TNIK: variants seen among roughly 807,000 people sequenced by gnomAD.
The protein encoded by TNIK is TRAF2 and NCK interacting kinase.
TNIK carries 49 observed loss-of-function variants against 191.3 expected under a neutral mutation model. The ratio of observed to expected loss-of-function variants is 0.26; its 90% CI spans 0.20 to 0.32. The LOEUF (loss-of-function observed/expected upper bound fraction) is 0.32. TNIK is among the 10% of genes least tolerant of loss of function. The pLI is 1.00. For synonymous variants in TNIK, 594 were observed against 600.9 expected (o/e 0.99, Z 0.17); for missense variants, 1,155 against 1,702.3 (o/e 0.68, Z 5.66).
At position 171,439,275 on chromosome 3, in the gene TNIK, C is replaced by T. The variant is rs373805732; in HGVS notation, c.57+20732G>A. On this transcript the variant is annotated intron_variant, in intron 1 of 32. Coordinates refer to ENST00000436636, the MANE Select transcript of TNIK (RefSeq NM_015028.4). ...AGGAGAATGGCATGAACCCGGGAGGCGGAGCTTGCAGTGAGCTGAGATGGT... is the reference window on the plus strand; with the variant it reads ...AGGAGAATGGCATGAACCCGGGAGGTGGAGCTTGCAGTGAGCTGAGATGGT... Among the ~76,000 whole-genome samples the T allele has an allele frequency of 2.1e-4, 31 of 150,576 alleles. 1 individual carries two copies. Among genetic ancestry groups the T allele is most frequent in the South Asian group, 8.4e-4 (4 of 4,764 alleles).
chr3:171,216,432 A>T lies in TNIK; in HGVS notation c.181-5191T>A, dbSNP rs56232375. On this transcript the variant is annotated intron_variant, in intron 3 of 32. Coordinates refer to ENST00000436636, the MANE Select transcript of TNIK (RefSeq NM_015028.4). The stretch of plus-strand genomic sequence containing the variant: ...CAACTCTAATATCTTATTAATTTTC[A>T]TTTTTCTTTCAGTTCTATAGGATGG... 8.1e-3 allele frequency among the ~76,000 whole-genome samples: 1,229 copies of T among 152,282 alleles called. 6 individuals carry two copies. The highest frequency in any genetic ancestry group is 0.058 in the Middle Eastern group (17 of 294).
intron 21 of TNIK, 164 bp from the exon 22 acceptor site, chr3:171,101,797 C>G (rs549511407): frequency 1.5e-6 from 1 of 649,098 alleles, no homozygotes; most frequent in African/African-American, 1.8e-5. Flanking sequence ...ATGTTTGTAG[C>G]GTGTAGAAGC....
chr3:171,283,589 C>T (rs191188153), intron 2 of TNIK, among the ~76,000 whole-genome samples: 1 of 152,184 alleles, frequency 6.6e-6, no homozygotes, highest in Non-Finnish European at 1.5e-5. Context: ...GCTCCTGCCC[C>T]CTGTGAACCA....
chr3:171,373,180 C>T (rs1716758194), intron 1 of TNIK, among the ~76,000 whole-genome samples: 1 of 152,104 alleles, frequency 6.6e-6, no homozygotes, highest in Admixed American at 6.5e-5. Context: ...AGTAATTTCC[C>T]CAAAAGGTCA....
intron 7 of TNIK, 27 bp downstream of exon 7, chr3:171,188,675 T>G: frequency 6.2e-7 from 1 of 1,611,746 alleles, no homozygotes; most frequent in Non-Finnish European, 8.5e-7. Context: ...GTAGGCATAG[T>G]TTTGAAACAC....
intron 2 of TNIK, among the ~76,000 whole-genome samples, chr3:171,296,068 A>G (rs1752257452): frequency 6.6e-6 from 1 of 152,218 alleles, no homozygotes; most frequent in Admixed American, 6.5e-5. Flanking sequence ...GTAGAACAGT[A>G]TGTGTCAAAC....
chr3:171,397,859 TG>T (rs1720450895), intron 1 of TNIK, among the ~76,000 whole-genome samples: 1 of 152,204 alleles, frequency 6.6e-6, no homozygotes, highest in African/African-American at 2.4e-5. Context: ...TGCTTATTTC[TG>T]TGGTCTAGAT....
intron 1 of TNIK, among the ~76,000 whole-genome samples, chr3:171,442,324 G>A (rs1008717128): frequency 2.6e-5 from 4 of 152,128 alleles, no homozygotes; most frequent in Non-Finnish European, 4.4e-5. Context: ...TGGCCTCAAA[G>A]GGACAGAGAA....
intron 22 of TNIK, among the ~76,000 whole-genome samples, chr3:171,095,908 GA>G (rs1001687738): frequency 4.5e-4 from 68 of 150,960 alleles, no homozygotes; most frequent in African/African-American, 9.7e-4. Flanking sequence ...CAGAGACATG[GA>G]AAAAAAAATT....
intron 1 of TNIK, among the ~76,000 whole-genome samples, chr3:171,401,425 A>G (rs778430891): frequency 6.6e-6 from 1 of 152,136 alleles, no homozygotes; most frequent in Non-Finnish European, 1.5e-5. Context: ...CTGTCTAACG[A>G]TCACTGGTTA....
intron 2 of TNIK, among the ~76,000 whole-genome samples, chr3:171,282,635 C>T (rs541141895): frequency 7.2e-5 from 11 of 152,240 alleles, no homozygotes; most frequent in African/African-American, 1.4e-4. Flanking sequence ...TGAGCCACCA[C>T]GCCCGGCCTC....
chr3:171,130,381 AAT>A (rs1729080284), intron 15 of TNIK, among the ~76,000 whole-genome samples: 1 of 152,194 alleles, frequency 6.6e-6, no homozygotes, highest in African/African-American at 2.4e-5. Flanking sequence ...GGGTACATAC[AAT>A]TGGCTTTGGT....
At chr3:171,071,498 C>G (rs1719169704) in intron 28 of TNIK, 175 bp from the exon 29 acceptor site, 2 of 581,418 alleles carry the variant, frequency 3.4e-6, no homozygotes. Context: ...ATTTAGCTTC[C>G]CTTAGCGAAC....
At chr3:171,237,369 C>T (rs2109023268) in intron 2 of TNIK, among the ~76,000 whole-genome samples, 1 of 152,254 alleles carries the variant, frequency 6.6e-6, no homozygotes, top group East Asian at 1.9e-4. Flanking sequence ...GGGAAGCTTT[C>T]AGGTTCTTAC....
chr3:171,393,853 T>C (rs558405078), intron 1 of TNIK, among the ~76,000 whole-genome samples: 2 of 152,224 alleles, frequency 1.3e-5, no homozygotes, highest in Admixed American at 6.5e-5. Context: ...GATTCATGCA[T>C]TCTTTTGACC....
At chr3:171,164,157 A>C (rs1026931340) in intron 10 of TNIK, among the ~76,000 whole-genome samples, 1 of 152,218 alleles carries the variant, frequency 6.6e-6, no homozygotes, top group African/African-American at 2.4e-5. Flanking sequence ...TCTTGAACAT[A>C]CCTATTCCCA....
At chr3:171,294,407 G>A (rs1484435160) in intron 2 of TNIK, among the ~76,000 whole-genome samples, 1 of 152,060 alleles carries the variant, frequency 6.6e-6, no homozygotes, top group Non-Finnish European at 1.5e-5. Flanking sequence ...CTGGGTGACA[G>A]AGTGAGACTC....
intron 2 of TNIK, among the ~76,000 whole-genome samples, chr3:171,289,236 T>C (rs985615462): frequency 5.9e-5 from 9 of 152,188 alleles, no homozygotes; most frequent in Non-Finnish European, 1.2e-4. Flanking sequence ...GCCTCTAAAG[T>C]AGATATTCAA....
intron 9 of TNIK, among the ~76,000 whole-genome samples, chr3:171,168,462 G>A (rs758349014): frequency 3.3e-5 from 5 of 152,184 alleles, no homozygotes; most frequent in Non-Finnish European, 5.9e-5. Flanking sequence ...ACAATGGAGA[G>A]CATGTTCTTC....
Sources: gnomAD v4.1 joint callset for allele counts (sites outside exome capture counted in the v4.1 genomes callset) on GRCh38, gnomAD v4.1.1 for gene constraint, MANE v1.5 for transcripts, NCBI Gene and HGNC (gene_info 2026-07-23, HGNC 2026-07-21) for gene names.